Variants in TMPRSS15 observed in about 807,000 individuals in gnomAD.
TMPRSS15 encodes the protein enteropeptidase.
TMPRSS15 carries 128 observed loss-of-function variants against 125.3 expected under a neutral mutation model. The observed-to-expected ratio is 1.02, with a 90% CI of 0.89 to 1.18. The LOEUF is 1.18. Among genes scored for constraint, TMPRSS15 ranks in the 50% most tolerant of loss-of-function variants. The probability of loss-of-function intolerance (pLI) is 0.00; values close to 1 mark genes in which losing one functional copy is unlikely to be tolerated. For missense variants in TMPRSS15, 1,283 were observed against 1,212.7 expected (o/e 1.06, Z -0.86); for synonymous variants, 446 against 423.2 (o/e 1.05, Z -0.66).
At chr21:18,422,193 C>T (rs112146616) in intron 1 of TMPRSS15, among the ~76,000 whole-genome samples, 14,331 of 151,906 alleles carry the variant, frequency 0.094, 1,491 homozygotes, top group African/African-American at 0.26. Flanking sequence ...ACCATGTTGG[C>T]GAGATTGGTC....
intron 21 of TMPRSS15, among the ~76,000 whole-genome samples, chr21:18,283,362 GA>G (rs950562740): frequency 4.8e-4 from 35 of 73,084 alleles, no homozygotes; most frequent in African/African-American, 1.8e-3. Flanking sequence ...AAAATTGTAT[GA>G]TTTTTTTTTT....
intron 3 of TMPRSS15, among the ~76,000 whole-genome samples, chr21:18,386,629 C>T (rs1251062067): frequency 6.6e-6 from 1 of 152,058 alleles, no homozygotes; most frequent in African/African-American, 2.4e-5. Flanking sequence ...ATTATGTCTT[C>T]CTAATCAACC....
intron 1 of TMPRSS15, among the ~76,000 whole-genome samples, chr21:18,428,891 C>T (rs2076210136): frequency 1.3e-5 from 2 of 152,154 alleles, no homozygotes; most frequent in Admixed American, 6.5e-5. Flanking sequence ...TTCCTCCAGA[C>T]CCCAGAATGG....
intron 16 of TMPRSS15, 60 bp downstream of exon 16, chr21:18,326,372 T>C: frequency 2.5e-6 from 4 of 1,608,404 alleles, no homozygotes; most frequent in African/African-American, 1.3e-5. Context: ...TGAAATTCTG[T>C]ACACCTTTGC....
At chr21:18,404,686 C>A (rs1372480288), upstream of TMPRSS15, among the ~76,000 whole-genome samples, 1 of 151,856 alleles carries the variant, frequency 6.6e-6, no homozygotes, top group African/African-American at 2.4e-5. Context: ...ATAAAACTGG[C>A]AGGAGGTAAG....
At chr21:18,339,816 G>A (rs1480627146) in intron 13 of TMPRSS15, among the ~76,000 whole-genome samples, 1 of 152,172 alleles carries the variant, frequency 6.6e-6, no homozygotes, top group African/African-American at 2.4e-5. Flanking sequence ...TAATCTGAAA[G>A]TAGTATGAAG....
intron 1 of TMPRSS15, among the ~76,000 whole-genome samples, chr21:18,460,075 T>C (rs1569073303): frequency 6.6e-6 from 1 of 152,176 alleles, no homozygotes; most frequent in Non-Finnish European, 1.5e-5. Context: ...AATTTCTTTT[T>C]TATATGTAGA....
At chr21:18,412,110 T>G (rs1234112892) in intron 1 of TMPRSS15, among the ~76,000 whole-genome samples, 1 of 152,148 alleles carries the variant, frequency 6.6e-6, no homozygotes, top group Admixed American at 6.5e-5. Context: ...AATTCACAAT[T>G]CTATGATTTC....
intron 19 of TMPRSS15, among the ~76,000 whole-genome samples, chr21:18,296,638 A>G (rs1329498072): frequency 6.6e-6 from 1 of 152,274 alleles, no homozygotes; most frequent in East Asian, 1.9e-4. Flanking sequence ...TTTTCTTACA[A>G]ATTTTTAAAT....
At chr21:18,280,217 C>A (rs1439882009) in intron 22 of TMPRSS15, among the ~76,000 whole-genome samples, 1 of 152,134 alleles carries the variant, frequency 6.6e-6, no homozygotes, top group Non-Finnish European at 1.5e-5. Context: ...TGCACATTTT[C>A]CAGGCATTTG....
intron 6 of TMPRSS15, among the ~76,000 whole-genome samples, chr21:18,368,737 C>T (rs2075763212): frequency 6.6e-6 from 1 of 152,174 alleles, no homozygotes; most frequent in Non-Finnish European, 1.5e-5. Flanking sequence ...CTCCACAGGT[C>T]AAATTCTGCT....
intron 8 of TMPRSS15, among the ~76,000 whole-genome samples, chr21:18,356,406 A>G (rs2075625371): frequency 6.6e-6 from 1 of 151,772 alleles, no homozygotes; most frequent in South Asian, 2.1e-4. Flanking sequence ...AGTGCCCACT[A>G]TGAATTTAGT....
At chr21:18,370,723 G>A (rs2075784115) in intron 6 of TMPRSS15, among the ~76,000 whole-genome samples, 2 of 151,992 alleles carry the variant, frequency 1.3e-5, no homozygotes, top group African/African-American at 4.8e-5. Flanking sequence ...CATTTGCATC[G>A]GGATTGCTTA....
intron 18 of TMPRSS15, among the ~76,000 whole-genome samples, chr21:18,298,667 T>C (rs1261161848): frequency 6.6e-6 from 1 of 152,240 alleles, no homozygotes; most frequent in Non-Finnish European, 1.5e-5. Flanking sequence ...ATTTTAATCA[T>C]CATATAAAAA....
intron 13 of TMPRSS15, among the ~76,000 whole-genome samples, chr21:18,337,391 T>A (rs758808105): frequency 6.6e-6 from 1 of 152,248 alleles, no homozygotes; most frequent in African/African-American, 2.4e-5. Flanking sequence ...GATTTTGTTT[T>A]GTATACACCT....
intron 24 of TMPRSS15, among the ~76,000 whole-genome samples, chr21:18,274,246 C>T (rs1388414354): frequency 6.6e-6 from 1 of 152,108 alleles, no homozygotes; most frequent in Non-Finnish European, 1.5e-5. Flanking sequence ...TCATTTAAAC[C>T]TCTCCATAAA....
At chr21:18,400,699 C>A (rs1410744185) in intron 1 of TMPRSS15, among the ~76,000 whole-genome samples, 2 of 152,064 alleles carry the variant, frequency 1.3e-5, no homozygotes, top group Non-Finnish European at 1.5e-5. Flanking sequence ...TCCTCAAAAG[C>A]AGTTGCAACG....
intron 3 of TMPRSS15, among the ~76,000 whole-genome samples, chr21:18,386,334 TCC>T (rs749075539): frequency 1.3e-5 from 2 of 151,882 alleles, no homozygotes; most frequent in African/African-American, 4.8e-5. Flanking sequence ...ATAATTCCCA[TCC>T]CCCCACACTC....
intron 14 of TMPRSS15, among the ~76,000 whole-genome samples, chr21:18,330,680 A>C (rs2075335487): frequency 6.6e-6 from 1 of 152,214 alleles, no homozygotes; most frequent in African/African-American, 2.4e-5. Flanking sequence ...TCGTCAAATA[A>C]ACAAACATTT....
Sources: gnomAD v4.1 joint callset for allele counts (sites outside exome capture counted in the v4.1 genomes callset) on GRCh38, gnomAD v4.1.1 for gene constraint, MANE v1.5 for transcripts, NCBI Gene and HGNC (gene_info 2026-07-23, HGNC 2026-07-21) for gene names.